The following GRID1 variants were observed in gnomAD, a reference collection of about 807,000 sequenced individuals.
The protein encoded by GRID1 is glutamate ionotropic receptor delta type subunit 1.
In GRID1, 28 loss-of-function variants were observed where a neutral mutation model predicts 98.0. The observed-to-expected ratio is 0.29, with a 90% CI of 0.21 to 0.39. GRID1 has a LOEUF of 0.39. GRID1 is among the 10% of genes least tolerant of loss of function. The probability of loss-of-function intolerance (pLI) is 1.00; values close to 1 mark genes in which losing one functional copy is unlikely to be tolerated. For synonymous variants in GRID1, 553 were observed against 538.5 expected, an observed-to-expected ratio of 1.03 and a Z score of -0.37; for missense variants, 1,111 against 1,340.5, an observed-to-expected ratio of 0.83 and a Z score of 2.67.
intron 14 of GRID1, among the ~76,000 whole-genome samples, chr10:85,615,734 T>C (rs1842780815): frequency 6.6e-6 from 1 of 152,224 alleles, no homozygotes; most frequent in Non-Finnish European, 1.5e-5. Flanking sequence ...ATATGGATCA[T>C]GTCGGGCCAA....
chr10:85,700,352 C>A (rs564855940), intron 12 of GRID1, among the ~76,000 whole-genome samples: 7 of 152,294 alleles, frequency 4.6e-5, no homozygotes, highest in Admixed American at 3.3e-4. Context: ...GTCAGTCAAT[C>A]TCCTGTGTCT....
At chr10:85,704,393 G>C (rs1841490275) in intron 12 of GRID1, among the ~76,000 whole-genome samples, 1 of 152,128 alleles carries the variant, frequency 6.6e-6, no homozygotes. Flanking sequence ...TAATGGTAAA[G>C]GGATCAATTC....
At chr10:85,629,168 G>A (rs1590166176) in intron 13 of GRID1, among the ~76,000 whole-genome samples, 1 of 152,202 alleles carries the variant, frequency 6.6e-6, no homozygotes, top group African/African-American at 2.4e-5. Flanking sequence ...TAGAGAGAAT[G>A]AGAGTAATTT....
chr10:86,161,517 G>A (rs1164737802), intron 3 of GRID1, among the ~76,000 whole-genome samples: 1 of 152,158 alleles, frequency 6.6e-6, no homozygotes, highest in Non-Finnish European at 1.5e-5. Flanking sequence ...TTACACAGAT[G>A]AGAACAGTGA....
intron 4 of GRID1, among the ~76,000 whole-genome samples, chr10:85,933,934 G>T (rs1016699132): frequency 6.6e-6 from 1 of 152,218 alleles, no homozygotes; most frequent in African/African-American, 2.4e-5. Context: ...CTAGAAGGAT[G>T]AATGATTTAA....
chr10:85,767,716 TC>T (rs996983385), intron 8 of GRID1, among the ~76,000 whole-genome samples: 1 of 152,208 alleles, frequency 6.6e-6, no homozygotes, highest in African/African-American at 2.4e-5. Flanking sequence ...GCTGGCAATT[TC>T]CTCTGACTTC....
chr10:86,357,961 A>C (rs1393855387), intron 2 of GRID1, among the ~76,000 whole-genome samples: 1 of 152,124 alleles, frequency 6.6e-6, no homozygotes, highest in East Asian at 1.9e-4. Flanking sequence ...TGAGGTTCTG[A>C]AGAACAACCT....
intron 4 of GRID1, among the ~76,000 whole-genome samples, chr10:86,031,031 C>T (rs1843178864): frequency 6.6e-6 from 1 of 152,252 alleles, no homozygotes; most frequent in Non-Finnish European, 1.5e-5. Flanking sequence ...TCAGACACTG[C>T]CTCCTCAAAC....
chr10:86,288,865 C>T (rs145605834), intron 2 of GRID1, among the ~76,000 whole-genome samples: 23 of 152,352 alleles, frequency 1.5e-4, no homozygotes, highest in African/African-American at 5.0e-4. Context: ...ACACCCCACA[C>T]AAGCATGGGG....
chr10:85,846,304 G>A (rs928523664), intron 8 of GRID1, among the ~76,000 whole-genome samples: 1 of 152,074 alleles, frequency 6.6e-6, no homozygotes, highest in Non-Finnish European at 1.5e-5. Flanking sequence ...GAGACTGAGG[G>A]GGCAGATCAC....
At chr10:86,227,857 A>T (rs1846379037) in intron 2 of GRID1, among the ~76,000 whole-genome samples, 1 of 152,224 alleles carries the variant, frequency 6.6e-6, no homozygotes, top group Non-Finnish European at 1.5e-5. Context: ...ATCTGTGCTT[A>T]GCCCCAGGCC....
chr10:85,760,923 C>A (rs867418548), intron 8 of GRID1, among the ~76,000 whole-genome samples: 1 of 152,146 alleles, frequency 6.6e-6, no homozygotes, highest in Non-Finnish European at 1.5e-5. Flanking sequence ...GAAGGCATTT[C>A]GTCAAAGTGG....
chr10:85,833,811 A>G (rs995477247), intron 8 of GRID1, among the ~76,000 whole-genome samples: 3 of 152,194 alleles, frequency 2.0e-5, no homozygotes, highest in African/African-American at 7.2e-5. Flanking sequence ...AAATTATGGA[A>G]TTGAAATATA....
At chr10:85,829,972 A>G (rs574907788) in intron 8 of GRID1, among the ~76,000 whole-genome samples, 2 of 152,364 alleles carry the variant, frequency 1.3e-5, no homozygotes, top group South Asian at 4.1e-4. Context: ...TACAATTCAT[A>G]TGGAACCAAA....
intron 4 of GRID1, among the ~76,000 whole-genome samples, chr10:86,042,363 T>A (rs989815558): frequency 1.3e-5 from 2 of 152,046 alleles, no homozygotes; most frequent in Non-Finnish European, 1.5e-5. Flanking sequence ...GGAGGCTCCA[T>A]GAGAGTCAGG....
At chr10:85,943,557 G>A (rs751347378) in intron 4 of GRID1, among the ~76,000 whole-genome samples, 1 of 152,022 alleles carries the variant, frequency 6.6e-6, no homozygotes, top group Non-Finnish European at 1.5e-5. Flanking sequence ...CTATACTTGG[G>A]GATTGAATCT....
At chr10:86,080,112 C>T (rs1255769844) in intron 4 of GRID1, among the ~76,000 whole-genome samples, 1 of 151,842 alleles carries the variant, frequency 6.6e-6, no homozygotes, top group Non-Finnish European at 1.5e-5. Context: ...GGCAGGTGGA[C>T]CACCTGAGGT....
At chr10:85,725,290 A>G (rs1033356310) in intron 10 of GRID1, among the ~76,000 whole-genome samples, 15 of 152,230 alleles carry the variant, frequency 9.9e-5, no homozygotes, top group African/African-American at 3.1e-4. Context: ...AAGGGGTCAT[A>G]TATTTATTTC....
At chr10:85,623,368 C>G (rs1842877937) in intron 13 of GRID1, among the ~76,000 whole-genome samples, 1 of 152,024 alleles carries the variant, frequency 6.6e-6, no homozygotes. Flanking sequence ...TTATACAGAC[C>G]CTCTTCTTGT....
Sources: allele counts gnomAD v4.1 joint callset (sites outside exome capture counted in the v4.1 genomes callset), GRCh38; gene constraint gnomAD v4.1.1; transcripts MANE v1.5; gene names NCBI Gene and HGNC (gene_info 2026-07-23, HGNC 2026-07-21).